BABAM2: variants seen among roughly 807,000 people sequenced by gnomAD.
BABAM2 encodes BRISC and BRCA1-A complex member 2.
A neutral mutation model predicts 54.7 loss-of-function variants in BABAM2; 31 were observed. That is an observed-to-expected ratio of 0.57 (90% CI 0.43 to 0.77). BABAM2 has a LOEUF of 0.77. Ranked by LOEUF, BABAM2 falls within the 30% of genes least tolerant of loss-of-function variation. BABAM2 has a pLI of 0.00. For synonymous variants in BABAM2, 167 were observed against 162.9 expected, an observed-to-expected ratio of 1.03 and a Z score of -0.19; for missense variants, 364 against 455.8, an observed-to-expected ratio of 0.80 and a Z score of 1.83.
chr2:28,003,135 G>A (rs977906005), intron 4 of BABAM2, among the ~76,000 whole-genome samples: 2 of 152,132 alleles, frequency 1.3e-5, no homozygotes, highest in Admixed American at 1.3e-4. Context: ...TACTGATTTG[G>A]GAGTGGGGAA....
intron 10 of BABAM2, 22 bp downstream of exon 10, chr2:28,244,884 G>A: frequency 1.3e-6 from 2 of 1,591,894 alleles, no homozygotes; most frequent in Non-Finnish European, 1.7e-6. Context: ...TTTGCTGTCA[G>A]CATGTCAGCA....
chr2:28,118,283 G>T (rs1668776161), intron 6 of BABAM2, among the ~76,000 whole-genome samples: 1 of 152,154 alleles, frequency 6.6e-6, no homozygotes, highest in Non-Finnish European at 1.5e-5. Context: ...CCAGATCCTT[G>T]AGGAATTGCC....
intron 6 of BABAM2, among the ~76,000 whole-genome samples, chr2:28,096,128 C>T (rs1446718755): frequency 6.6e-6 from 1 of 152,068 alleles, no homozygotes; most frequent in Non-Finnish European, 1.5e-5. Flanking sequence ...TGGCCAGGCT[C>T]CTGTTGGTTC....
At chr2:28,127,817 T>G (rs1261447510) in intron 6 of BABAM2, among the ~76,000 whole-genome samples, 2 of 151,178 alleles carry the variant, frequency 1.3e-5, no homozygotes, top group Non-Finnish European at 3.0e-5. Context: ...TCTTTTTTTT[T>G]TTTTTTTGAG....
chr2:28,264,746 G>A (rs144942051), intron 10 of BABAM2, among the ~76,000 whole-genome samples: 102 of 152,250 alleles, frequency 6.7e-4, no homozygotes, highest in African/African-American at 2.4e-3. Flanking sequence ...TTTTCTGGGA[G>A]GTGAACAGCC....
At chr2:28,315,753 A>G (rs2148293998) in intron 11 of BABAM2, among the ~76,000 whole-genome samples, 1 of 152,014 alleles carries the variant, frequency 6.6e-6, no homozygotes, top group East Asian at 1.9e-4. Context: ...TTGACCTCAC[A>G]AAGTGCAGGG....
At chr2:28,203,858 A>G (rs9808353) in intron 7 of BABAM2, among the ~76,000 whole-genome samples, 109,466 of 152,068 alleles carry the variant, frequency 0.72, 41,546 homozygotes, top group East Asian at 0.99. Flanking sequence ...CAGGGTGAAC[A>G]TCCTTAGAGC....
chr2:27,958,632 C>A (rs1270349644), intron 3 of BABAM2, among the ~76,000 whole-genome samples: 2 of 150,728 alleles, frequency 1.3e-5, no homozygotes, highest in Non-Finnish European at 2.9e-5. Context: ...GTAGAGCTCA[C>A]CTGCCAAGAG....
chr2:28,105,046 G>A (rs1667392899), intron 6 of BABAM2, among the ~76,000 whole-genome samples: 1 of 151,526 alleles, frequency 6.6e-6, no homozygotes, highest in South Asian at 2.1e-4. Context: ...TTGTGGGGTG[G>A]GGGGATGGGG....
In BABAM2 at chr2:27,995,879, C is replaced by T. The variant is rs1249760113; in HGVS notation, c.300+7792C>T. Among the ~76,000 whole-genome samples, 1 of 152,042 alleles carries T rather than the reference C, an allele frequency of 6.6e-6. No homozygotes were observed. Among genetic ancestry groups the T allele is most frequent in the African/African-American group, 2.4e-5 (1 of 41,394 alleles). On this transcript the variant is annotated intron_variant, in intron 4 of 11. Transcript: ENST00000379624. The surrounding 1 kb of genome is among the most constrained non-coding windows in gnomAD (Gnocchi z 4.1). ...ACAGGCGTGAGCCACTGCACCTGGC[C>T]CCTCATGAGTTCTTAATTTTAGAGA... is the stretch of plus-strand genomic sequence containing the variant.
intron 7 of BABAM2, among the ~76,000 whole-genome samples, chr2:28,211,492 A>G (rs1287331924): frequency 6.9e-6 from 1 of 143,914 alleles, no homozygotes; most frequent in African/African-American, 2.5e-5. Context: ...GGTTCAAGCA[A>G]TTCTCCTGCC....
intron 7 of BABAM2, among the ~76,000 whole-genome samples, chr2:28,206,870 TACA>T (rs1678902939): frequency 6.6e-6 from 1 of 152,176 alleles, no homozygotes; most frequent in African/African-American, 2.4e-5. Context: ...TTAGTACCAT[TACA>T]ACAACTACTC....
intron 5 of BABAM2, among the ~76,000 whole-genome samples, chr2:28,026,854 A>ATATATATATAGATATATATATT (rs1479090918): frequency 5.0e-5 from 4 of 79,218 alleles, no homozygotes; most frequent in Non-Finnish European, 8.7e-5. Flanking sequence ...ATATATATTT[A>ATATATATATAGATATATATATT]TATATATAGA....
intron 2 of BABAM2, chr2:27,894,954 T>C (rs1462129668): frequency 2.7e-6 from 1 of 376,762 alleles, no homozygotes; most frequent in Non-Finnish European, 4.8e-6. Flanking sequence ...CCGTCAGAGT[T>C]TTAAAAGTGT....
At chr2:27,949,579 G>A (rs895214155) in intron 3 of BABAM2, among the ~76,000 whole-genome samples, 3 of 151,774 alleles carry the variant, frequency 2.0e-5, no homozygotes, top group African/African-American at 4.8e-5. Flanking sequence ...AGGGCATCCA[G>A]TGAATTCACT....
At chr2:27,906,355 A>G (rs1434058995) in intron 2 of BABAM2, among the ~76,000 whole-genome samples, 1 of 152,146 alleles carries the variant, frequency 6.6e-6, no homozygotes, top group Non-Finnish European at 1.5e-5. Context: ...ATTCTTTTCT[A>G]CCCTGGGTAG....
intron 5 of BABAM2, 111 bp from the exon 6 acceptor site, chr2:28,045,614 A>G: frequency 1.2e-6 from 1 of 821,020 alleles, no homozygotes; most frequent in Non-Finnish European, 1.8e-6. Context: ...AGGAAAACCA[A>G]ATTGAAGATG....
intron 1 of BABAM2, among the ~76,000 whole-genome samples, chr2:27,891,608 C>T (rs1325169228): frequency 6.6e-6 from 1 of 152,052 alleles, no homozygotes; most frequent in African/African-American, 2.4e-5. Context: ...TGGTGACTCC[C>T]TGTCCATGTA....
intron 7 of BABAM2, among the ~76,000 whole-genome samples, chr2:28,230,854 T>C (rs1681324410): frequency 6.6e-6 from 1 of 152,168 alleles, no homozygotes; most frequent in Non-Finnish European, 1.5e-5. Context: ...TTGTGACATA[T>C]GGTATCTTTA....
Sources: gnomAD v4.1 joint callset for allele counts (sites outside exome capture counted in the v4.1 genomes callset) on GRCh38, gnomAD v4.1.1 for gene constraint, Gnocchi (gnomAD v3.1) non-coding constraint, MANE v1.5 for transcripts, NCBI Gene and HGNC (gene_info 2026-07-23, HGNC 2026-07-21) for gene names.